The following MAD2L2 variants were observed in gnomAD, a reference collection of about 807,000 sequenced individuals.
MAD2L2 encodes mitotic arrest deficient 2 like 2, also known as mitotic spindle assembly checkpoint protein MAD2B.
Under a neutral mutation model 30.5 loss-of-function variants are expected in MAD2L2, and 17 were observed. The ratio of observed to expected loss-of-function variants is 0.56; its 90% CI spans 0.38 to 0.84. The LOEUF (loss-of-function observed/expected upper bound fraction) is 0.84, where lower values mean the gene tolerates loss of function less well. Ranked by LOEUF, MAD2L2 falls within the 40% of genes least tolerant of loss-of-function variation. The probability of loss-of-function intolerance (pLI) is 0.00; values close to 1 mark genes in which losing one functional copy is unlikely to be tolerated. For synonymous variants in MAD2L2, 101 were observed against 113.9 expected (o/e 0.89, Z 0.72); for missense variants, 213 against 277.4 (o/e 0.77, Z 1.65).
chr1:11,676,956 G>A lies in MAD2L2; in HGVS notation c.232-8C>T, dbSNP rs745856424. The A allele has an allele frequency of 1.2e-5, 20 of 1,608,118 alleles. No individual in the cohort carries two copies. The South Asian group carries it at 1.9e-4, about 15-fold the overall frequency. On this transcript the variant is annotated splice_polypyrimidine_tract_variant and splice_region_variant and intron_variant, in intron 4 of 8. Transcript: ENST00000376692. ...CACTTTCTCCACATCATTCTGCAAA[G>A]AGAGGAACCCCCACTGCAGAGCCAG...
chr1:11,674,749 G>GC lies in MAD2L2; in HGVS notation c.*25dup. 2 of 1,612,476 alleles carry GC rather than the reference G, an allele frequency of 1.2e-6. No individual in the cohort carries two copies. The highest frequency in any genetic ancestry group is 1.7e-6 in the Non-Finnish European group (2 of 1,179,036). On this transcript the variant is annotated 3_prime_UTR_variant, in exon 9 of 9. Coordinates refer to ENST00000376692, the MANE Select transcript of MAD2L2 (RefSeq NM_006341.4). This position sits in a 1 kb window ranked among gnomAD's most constrained non-coding sequence, Gnocchi z 6.1. ...GATCCCCCAAAGTCTGACAGTTTGGGCATCAGTGGGGTGGCAGGTGCCCCC... is the reference window on the plus strand; with the variant it reads ...GATCCCCCAAAGTCTGACAGTTTGGGCCATCAGTGGGGTGGCAGGTGCCCCC...
intron 1 of MAD2L2, among the ~76,000 whole-genome samples, chr1:11,686,168 A>C (rs1640952402): frequency 6.6e-6 from 1 of 152,112 alleles, no homozygotes; most frequent in South Asian, 2.1e-4. Context: ...GGCAACTCCC[A>C]AGGTGCCCTA....
At chr1:11,675,813 C>A in intron 6 of MAD2L2, 82 bp from the exon 7 acceptor site, 1 of 1,235,568 alleles carries the variant, frequency 8.1e-7, no homozygotes, top group Non-Finnish European at 1.2e-6. Flanking sequence ...ACTTCCCTTG[C>A]TGGCTCAGCA....
intron 1 of MAD2L2, among the ~76,000 whole-genome samples, chr1:11,691,126 T>C (rs1409730201): frequency 1.3e-5 from 2 of 152,182 alleles, no homozygotes; most frequent in African/African-American, 2.4e-5. Flanking sequence ...TTTCTGCGGC[T>C]ACAAAGGCCC....
At chr1:11,685,079 C>T (rs892912387), upstream of MAD2L2, among the ~76,000 whole-genome samples, 1 of 152,084 alleles carries the variant, frequency 6.6e-6, no homozygotes, top group South Asian at 2.1e-4. Context: ...AGGTGTGCAC[C>T]ACCACACCTG....
chr1:11,674,577 C>A lies in MAD2L2; in HGVS notation c.*198G>T, dbSNP rs931538246. 8.5e-6 allele frequency: 5 copies of A among 585,454 alleles called. No individual in the cohort carries two copies. The African/African-American group carries it at 9.4e-5, about 11-fold the overall frequency. The allele number at this position is 585,454 out of a possible 1,614,324, so 36.3% of individuals were successfully genotyped here. On this transcript the variant is annotated 3_prime_UTR_variant, in exon 9 of 9. Transcript: ENST00000376692. The surrounding 1 kb of genome is among the most constrained non-coding windows in gnomAD (Gnocchi z 6.1). Reference sequence around the variant, plus strand: ...GCGGAACCCCAGGAGGCTGAGAAGTCGAGGTTGCGGCATCCCTCACTGCCC... The same window carrying A: ...GCGGAACCCCAGGAGGCTGAGAAGTAGAGGTTGCGGCATCCCTCACTGCCC...
chr1:11,675,606 C>T (rs777411450), intron 7 of MAD2L2, 52 bp downstream of exon 7: 19 of 1,568,756 alleles, frequency 1.2e-5, no homozygotes, highest in South Asian at 4.4e-5. Context: ...CCTGGAACTG[C>T]GACATCACGT....
rs368726339 is a variant in MAD2L2, at chr1:11,675,664, G to A, written c.495C>T (p.Val165=). The A allele has an allele frequency of 3.7e-6, 6 of 1,613,896 alleles. No homozygotes were observed. The African/African-American group carries it at 4.0e-5, about 11-fold the overall frequency. Residue 165 remains valine (V), a synonymous_variant, in exon 7 of 9, where the codon GTC becomes GTT. Transcript: ENST00000376692. The part of the protein sequence containing the change: ...AATRNMEKIQ[V]IKDFPWILAD... ...CAGACCCATCTCATCTCACCTTGAT[G>A]ACCTGGATCTTCTCCATGTTGCGAG...
chr1:11,680,893 C>A lies in MAD2L2; in HGVS notation c.-13+146G>T, dbSNP rs984304077. 19 of 734,390 alleles carry A rather than the reference C, an allele frequency of 2.6e-5. No individual in the cohort carries two copies. The African/African-American group carries it at 3.3e-4, about 13-fold the overall frequency. 45.5% of individuals were successfully genotyped at this position (734,390 alleles called of 1,614,324 possible). On this transcript the variant is annotated intron_variant, in intron 1 of 8. Coordinates refer to ENST00000376692, the MANE Select transcript of MAD2L2 (RefSeq NM_006341.4). ...CCCCCGAAAAGGGCAGGGCCGCGGA[C>A]GCAGAGGGAAACAGCGGGATGCCCA...
In MAD2L2 at chr1:11,690,715, T is replaced by C. The variant is rs1641046353; in HGVS notation, c.-692+698A>G. Among the ~76,000 whole-genome samples the C allele has an allele frequency of 6.6e-6, 1 of 152,100 alleles. No individual in the cohort carries two copies. The highest frequency in any genetic ancestry group is 1.5e-5 in the Non-Finnish European group (1 of 67,992). ...GTCCGGCCCCATCGCTCTTTGATCT[T>C]TGCAGCGTCCGTGGCCCCACCGACC... On this transcript the variant is annotated intron_variant, in intron 1 of 10. Transcript: ENST00000235310. This position sits in a 1 kb window ranked among gnomAD's most constrained non-coding sequence, Gnocchi z 4.2.
upstream of MAD2L2, among the ~76,000 whole-genome samples, chr1:11,684,926 CTCT>C (rs1640933523): frequency 5.2e-5 from 4 of 76,546 alleles, no homozygotes; most frequent in African/African-American, 1.1e-4. Flanking sequence ...CTCTCTCTCT[CTCT>C]TTTTTTTTTT....
chr1:11,680,519 C>A, intron 2 of MAD2L2, 43 bp downstream of exon 2: 3 of 1,610,572 alleles, frequency 1.9e-6, no homozygotes, highest in Non-Finnish European at 2.5e-6. Context: ...GCCCGCCGGC[C>A]CAGACGCCCC....
chr1:11,683,897 G>C (rs945709042), upstream of MAD2L2, among the ~76,000 whole-genome samples: 3 of 152,136 alleles, frequency 2.0e-5, no homozygotes, highest in Admixed American at 6.6e-5. Context: ...CTTGAACCCG[G>C]GAGGCGGAGG....
intron 7 of MAD2L2, 120 bp from the exon 8 acceptor site, chr1:11,675,294 C>T: frequency 1.5e-6 from 1 of 681,614 alleles, no homozygotes; most frequent in South Asian, 1.9e-5. Context: ...CACTAGGAAG[C>T]TGTTGGTGAT....
At chr1:11,686,795 C>T (rs1640964121) in intron 1 of MAD2L2, among the ~76,000 whole-genome samples, 1 of 122,092 alleles carries the variant, frequency 8.2e-6, no homozygotes, top group Non-Finnish European at 1.6e-5. Flanking sequence ...TGATCCAGCT[C>T]AACTGCCACT....
At chr1:11,678,527 C>A (rs556083420) in intron 3 of MAD2L2, among the ~76,000 whole-genome samples, 16 of 152,338 alleles carry the variant, frequency 1.1e-4, no homozygotes, top group African/African-American at 3.8e-4. Context: ...AAAGTTGTAT[C>A]TTTGTGCACT....
chr1:11,690,348 C>T lies in MAD2L2; in HGVS notation c.-692+1065G>A, dbSNP rs1557683656. On this transcript the variant is annotated intron_variant, in intron 1 of 10. Coordinates refer to the MAD2L2 transcript ENST00000235310. The surrounding 1 kb of genome is among the most constrained non-coding windows in gnomAD (Gnocchi z 4.2). ...GTTCTCATCAATCCATCCTGGTGCCCACCAAGCTAATAATATCACGGTAAC... is the reference window on the plus strand; with the variant it reads ...GTTCTCATCAATCCATCCTGGTGCCTACCAAGCTAATAATATCACGGTAAC... 6.6e-6 allele frequency among the ~76,000 whole-genome samples: 1 copy of T among 152,138 alleles called. No homozygotes were observed. Among genetic ancestry groups the T allele is most frequent in the Non-Finnish European group, 1.5e-5 (1 of 68,036 alleles).
chr1:11,683,783 C>T (rs1015192948), upstream of MAD2L2, among the ~76,000 whole-genome samples: 1 of 152,022 alleles, frequency 6.6e-6, no homozygotes, highest in Non-Finnish European at 1.5e-5. Flanking sequence ...ATCAACCTGA[C>T]CAACATGGAG....
rs1557677211 is a variant in MAD2L2 at position 11,674,673 on chromosome 1, C to G, written c.*102G>C. 2 of 1,261,340 alleles carry G rather than the reference C, an allele frequency of 1.6e-6. No individual in the cohort carries two copies. The highest frequency in any genetic ancestry group is 1.3e-5 in the South Asian group (1 of 78,804). 78.1% of individuals were successfully genotyped at this position (1,261,340 alleles called of 1,614,324 possible). A position where few individuals can be genotyped will look rare whatever the true frequency, so the allele number is the denominator to read the frequency against. On this transcript the variant is annotated 3_prime_UTR_variant, in exon 9 of 9. Transcript: ENST00000376692. The surrounding 1 kb of genome is among the most constrained non-coding windows in gnomAD (Gnocchi z 6.1). ...GGGGCGGGCGATCCACACACAGAGG[C>G]GATAAGAGCACTTGGAATCAGGGCA...
Sources: allele counts gnomAD v4.1 joint callset (sites outside exome capture counted in the v4.1 genomes callset), GRCh38; gene constraint gnomAD v4.1.1; non-coding constraint Gnocchi (gnomAD v3.1); transcripts MANE v1.5; gene names NCBI Gene and HGNC (gene_info 2026-07-23, HGNC 2026-07-21).